MPHOSPH9: variants seen among roughly 807,000 people sequenced by gnomAD.
MPHOSPH9 encodes M-phase phosphoprotein 9.
MPHOSPH9 carries 88 observed loss-of-function variants against 145.5 expected under a neutral mutation model. The observed-to-expected ratio is 0.60, with a 90% confidence interval of 0.51 to 0.72. MPHOSPH9 has a LOEUF of 0.72. MPHOSPH9 is among the 30% of genes least tolerant of loss of function. MPHOSPH9 has a pLI of 0.00. For missense variants in MPHOSPH9, 1,238 were observed against 1,386.6 expected (o/e 0.89, Z 1.70); for synonymous variants, 435 against 486.2 (o/e 0.89, Z 1.39).
upstream of MPHOSPH9, among the ~76,000 whole-genome samples, chr12:123,237,075 A>G (rs1231652582): frequency 6.6e-6 from 1 of 151,450 alleles, no homozygotes; most frequent in Non-Finnish European, 1.5e-5. Context: ...ACAGAGTGAG[A>G]CTCCGGCTAA....
chr12:123,173,482 C>CT (rs1435422202), intron 16 of MPHOSPH9, among the ~76,000 whole-genome samples: 2 of 152,176 alleles, frequency 1.3e-5, no homozygotes, highest in African/African-American at 4.8e-5. Flanking sequence ...AGAGAGGGTC[C>CT]TGCCTCATCC....
At chr12:123,238,833 C>T (rs1235392739) in intron 1 of MPHOSPH9, among the ~76,000 whole-genome samples, 1 of 152,168 alleles carries the variant, frequency 6.6e-6, no homozygotes, top group Admixed American at 6.6e-5. Flanking sequence ...ATGTGGACCA[C>T]ACTTTGGGTA....
chr12:123,170,162 A>G (rs2044513996), intron 16 of MPHOSPH9, among the ~76,000 whole-genome samples: 1 of 150,406 alleles, frequency 6.6e-6, no homozygotes, highest in African/African-American at 2.4e-5. Flanking sequence ...TTTTTTTTTA[A>G]GACAGAGTCT....
intron 11 of MPHOSPH9, 97 bp downstream of exon 11, chr12:123,202,067 A>T: frequency 2.4e-6 from 3 of 1,273,226 alleles, no homozygotes; most frequent in South Asian, 3.4e-5. Flanking sequence ...AAAATTTCAG[A>T]TCCAAAGTAT....
Position 123,156,691 on chromosome 12 carries a change from A to G in MPHOSPH9, c.*116T>C. 1.6e-6 allele frequency: 1 copy of G among 616,426 alleles called. No homozygotes were observed. Among genetic ancestry groups the G allele is most frequent in the South Asian group, 3.4e-5 (1 of 29,296 alleles). The allele number at this position is 616,426 out of a possible 1,614,324, so 38.2% of individuals were successfully genotyped here. A position where few individuals can be genotyped will look rare whatever the true frequency, so the allele number is the denominator to read the frequency against. Reference sequence around the variant, plus strand: ...AAATAGCAAGTGTAAGAATAGCATGATTGTAAAACTACTGTTTGAAGGCTT... The same window carrying G: ...AAATAGCAAGTGTAAGAATAGCATGGTTGTAAAACTACTGTTTGAAGGCTT... On this transcript the variant is annotated 3_prime_UTR_variant, in exon 24 of 24. Transcript: ENST00000606320.
intron 23 of MPHOSPH9, chr12:123,160,011 C>G (rs550815537): frequency 6.6e-6 from 1 of 152,046 alleles, no homozygotes; most frequent in African/African-American, 2.4e-5. Flanking sequence ...GAATTACAGG[C>G]GCCCACCCCC....
rs1259838620 is a variant in MPHOSPH9, at chr12:123,159,486, T to TTTG, written c.3450+1292_3450+1294dup. Among the ~76,000 whole-genome samples, 1 of 152,152 alleles carries TTTG rather than the reference T, an allele frequency of 6.6e-6. No individual in the cohort carries two copies. The highest frequency in any genetic ancestry group is 1.5e-5 in the Non-Finnish European group (1 of 68,018). ...CCATGGCAGGTTTTTTTTTGTTTTT[T>TTTG]TTGTTGTTGTTGTTTTCCCAAACAT... On this transcript the variant is annotated intron_variant, in intron 23 of 23. Transcript: ENST00000606320. This position sits in a 1 kb window ranked among gnomAD's most constrained non-coding sequence, Gnocchi z 4.3.
intron 12 of MPHOSPH9, 23 bp downstream of exon 12, chr12:123,198,224 C>G (rs1311303329): frequency 1.2e-5 from 18 of 1,550,536 alleles, no homozygotes; most frequent in Non-Finnish European, 1.6e-5. Flanking sequence ...CACCAGAACA[C>G]CCACCAAAAA....
chr12:123,206,942 C>T (rs934466343), intron 8 of MPHOSPH9, among the ~76,000 whole-genome samples: 2 of 151,558 alleles, frequency 1.3e-5, no homozygotes, highest in Non-Finnish European at 2.9e-5. Flanking sequence ...AGGCCAGGCA[C>T]AGTGACTCAC....
chr12:123,236,642 TC>T (rs1326751269), upstream of MPHOSPH9, among the ~76,000 whole-genome samples: 4 of 151,958 alleles, frequency 2.6e-5, no homozygotes, highest in African/African-American at 9.7e-5. Flanking sequence ...TATGTTTAAG[TC>T]CTAAACAAAC....
chr12:123,161,967 G>A (rs776644053), intron 21 of MPHOSPH9, 148 bp downstream of exon 21: 18 of 463,406 alleles, frequency 3.9e-5, no homozygotes, highest in African/African-American at 1.0e-4. Context: ...ATAACAACAC[G>A]TAGCATCATG....
downstream of MPHOSPH9, chr12:123,153,175 G>C (rs775024995): frequency 6.6e-6 from 1 of 152,122 alleles, no homozygotes; most frequent in Non-Finnish European, 1.5e-5. Context: ...GCAATTATTT[G>C]GAGGATACTG....
chr12:123,241,003 C>A (rs2047925983), intron 1 of MPHOSPH9, among the ~76,000 whole-genome samples: 1 of 152,046 alleles, frequency 6.6e-6, no homozygotes, highest in African/African-American at 2.4e-5. Context: ...TGTGAGCCAC[C>A]ACACCCAGCC....
At chr12:123,165,984 T>C (rs2044301358) in intron 17 of MPHOSPH9, among the ~76,000 whole-genome samples, 1 of 152,218 alleles carries the variant, frequency 6.6e-6, no homozygotes, top group Non-Finnish European at 1.5e-5. Context: ...TGCTTTCCCA[T>C]CCTTCTAGTC....
At chr12:123,156,998 C>T (rs1593047572) in intron 23 of MPHOSPH9, 90 bp from the exon 24 acceptor site, 2 of 777,996 alleles carry the variant, frequency 2.6e-6, no homozygotes, top group Non-Finnish European at 4.1e-6. Flanking sequence ...AGCAAAAGAG[C>T]AAGTATAAAC....
intron 16 of MPHOSPH9, among the ~76,000 whole-genome samples, chr12:123,173,164 C>G (rs2044668577): frequency 6.6e-6 from 1 of 152,140 alleles, no homozygotes; most frequent in Non-Finnish European, 1.5e-5. Flanking sequence ...GCGTGAGCCA[C>G]CACGCCCAGC....
At chr12:123,180,072 T>C (rs1397930137) in intron 14 of MPHOSPH9, 82 bp from the exon 15 acceptor site, 8 of 768,578 alleles carry the variant, frequency 1.0e-5, no homozygotes, top group Non-Finnish European at 1.6e-5. Flanking sequence ...AGAAAATGAA[T>C]CTAAGGCTAA....
chr12:123,158,805 A>G (rs2043978136), intron 23 of MPHOSPH9, among the ~76,000 whole-genome samples: 1 of 152,000 alleles, frequency 6.6e-6, no homozygotes, highest in Non-Finnish European at 1.5e-5. Flanking sequence ...ATTTTTTTGT[A>G]TTTTTAGTAG....
intron 13 of MPHOSPH9, among the ~76,000 whole-genome samples, chr12:123,183,277 G>A (rs1445854903): frequency 6.6e-6 from 1 of 151,538 alleles, no homozygotes; most frequent in Non-Finnish European, 1.5e-5. Flanking sequence ...GCCGGGCGTG[G>A]TAGCTCACAC....
Sources: allele counts gnomAD v4.1 joint callset (sites outside exome capture counted in the v4.1 genomes callset), GRCh38; gene constraint gnomAD v4.1.1; non-coding constraint Gnocchi (gnomAD v3.1); transcripts MANE v1.5; gene names NCBI Gene and HGNC (gene_info 2026-07-23, HGNC 2026-07-21).